TBL1Y: variants seen among roughly 807,000 people sequenced by gnomAD.
TBL1Y encodes F-box-like/WD repeat-containing protein TBL1Y.
A neutral mutation model predicts 12.0 loss-of-function variants in TBL1Y; 15 were observed. The ratio of observed to expected loss-of-function variants is 1.25; its 90% CI spans 0.83 to 1.92. TBL1Y has a LOEUF of 1.92. TBL1Y is among the 40% of genes most tolerant of loss of function. The pLI is 0.00. For missense variants in TBL1Y, 148 were observed against 116.7 expected, an observed-to-expected ratio of 1.27 and a Z score of -1.24; for synonymous variants, 53 against 42.6, an observed-to-expected ratio of 1.24 and a Z score of -0.95.
intron 2 of TBL1Y, among the ~76,000 whole-genome samples, chrY:6,935,706 A>G: frequency 3.0e-5 from 1 of 32,926 alleles, no homozygotes; most frequent in Non-Finnish European, 7.4e-5. Context: ...TCGATTGCTC[A>G]AGACCATCCT....
intron 3 of TBL1Y, among the ~76,000 whole-genome samples, chrY:6,993,288 G>A: frequency 4.3e-5 from 1 of 23,158 alleles, no homozygotes; most frequent in African/African-American, 1.7e-4. Flanking sequence ...CTGCATTTCA[G>A]CTTAGGTTGC....
chrY:7,025,209 C>G (rs896416477), intron 6 of TBL1Y, 67 bp downstream of exon 6: 32 of 318,188 alleles, frequency 1.0e-4, no homozygotes, highest in Middle Eastern at 1.3e-3. Context: ...AATGATCAAC[C>G]CTTGATTCAA....
At chrY:6,968,316 G>C (rs897548414) in intron 2 of TBL1Y, among the ~76,000 whole-genome samples, 1 of 33,258 alleles carries the variant, frequency 3.0e-5, no homozygotes, top group African/African-American at 1.2e-4. Context: ...TGGGGACAGA[G>C]AGCTTGGGGT....
chrY:6,924,851 A>C, intron 2 of TBL1Y, among the ~76,000 whole-genome samples: 2 of 33,974 alleles, frequency 5.9e-5, no homozygotes, highest in Non-Finnish European at 1.5e-4. Flanking sequence ...CTTATCATGC[A>C]TTCTAGTTCT....
intron 6 of TBL1Y, among the ~76,000 whole-genome samples, chrY:7,027,384 A>T (rs749616934): frequency 3.0e-5 from 1 of 33,687 alleles, no homozygotes; most frequent in Admixed American, 2.7e-4. Flanking sequence ...TTTCCCTTCT[A>T]CCTTAAAGAA....
chrY:7,047,454 T>C, intron 7 of TBL1Y, among the ~76,000 whole-genome samples: 1 of 33,554 alleles, frequency 3.0e-5, no homozygotes, highest in Non-Finnish European at 7.3e-5. Flanking sequence ...ATCTTTTCCA[T>C]GCTGAGTCAT....
At chrY:7,078,852 T>TAAATAAATAAATAA (rs2013076398) in intron 13 of TBL1Y, among the ~76,000 whole-genome samples, 1 of 33,504 alleles carries the variant, frequency 3.0e-5, no homozygotes, top group Non-Finnish European at 7.4e-5. Flanking sequence ...TTTTCTTGCT[T>TAAATAAATAAATAA]ATCAGTTCTC....
intron 2 of TBL1Y, among the ~76,000 whole-genome samples, chrY:6,912,618 G>A (rs762305589): frequency 3.0e-5 from 1 of 32,869 alleles, no homozygotes; most frequent in South Asian, 6.9e-4. Context: ...ATCACCTGCA[G>A]TCAGGAGTTC....
chrY:7,002,958 C>T, intron 4 of TBL1Y, among the ~76,000 whole-genome samples: 1 of 33,685 alleles, frequency 3.0e-5, no homozygotes, highest in Non-Finnish European at 7.3e-5. Flanking sequence ...TTTAACTTCT[C>T]GGGAGCTACT....
intron 2 of TBL1Y, among the ~76,000 whole-genome samples, chrY:6,937,345 T>C (rs2011910005): frequency 3.0e-5 from 1 of 33,376 alleles, no homozygotes; most frequent in East Asian, 7.9e-4. Context: ...CCGAGTCAGG[T>C]TTATCACTTG....
At chrY:7,062,437 C>T in intron 7 of TBL1Y, among the ~76,000 whole-genome samples, 1 of 33,559 alleles carries the variant, frequency 3.0e-5, no homozygotes, top group African/African-American at 1.2e-4. Context: ...AATAAAAGAG[C>T]ACTATTTTAT....
intron 17 of TBL1Y, 27 bp downstream of exon 17, chrY:7,087,459 T>C (rs750655503): frequency 5.2e-6 from 2 of 384,363 alleles, no homozygotes; most frequent in Non-Finnish European, 7.3e-6. Flanking sequence ...TACGAATCCT[T>C]TTAGTAAGGG....
intron 16 of TBL1Y, among the ~76,000 whole-genome samples, chrY:7,086,633 C>T: frequency 3.1e-5 from 1 of 32,148 alleles, no homozygotes; most frequent in Non-Finnish European, 7.5e-5. Context: ...TTTTGGGGGC[C>T]GAGGTGGGCA....
At chrY:7,020,706 TA>T (rs2012578629) in intron 4 of TBL1Y, among the ~76,000 whole-genome samples, 1 of 34,014 alleles carries the variant, frequency 2.9e-5, no homozygotes, top group East Asian at 7.6e-4. Flanking sequence ...TTATAGTGAC[TA>T]AAAAATAAAA....
At chrY:7,018,291 T>G in intron 4 of TBL1Y, among the ~76,000 whole-genome samples, 1 of 33,471 alleles carries the variant, frequency 3.0e-5, no homozygotes, top group Non-Finnish European at 7.4e-5. Flanking sequence ...TGATTATATA[T>G]AGTACATCCT....
intron 7 of TBL1Y, among the ~76,000 whole-genome samples, chrY:7,056,297 G>C: frequency 3.0e-5 from 1 of 33,222 alleles, no homozygotes; most frequent in South Asian, 7.1e-4. Flanking sequence ...TCCAATCCAG[G>C]CCTGAATGGT....
chrY:7,009,320 C>G (rs2012503820), intron 4 of TBL1Y, among the ~76,000 whole-genome samples: 1 of 33,912 alleles, frequency 2.9e-5, no homozygotes, highest in Admixed American at 2.7e-4. Flanking sequence ...AGAATAGTTG[C>G]TAGTGGTTTT....
chrY:7,083,959 G>T, intron 14 of TBL1Y, among the ~76,000 whole-genome samples: 2 of 31,583 alleles, frequency 6.3e-5, no homozygotes, highest in African/African-American at 2.5e-4. Flanking sequence ...CATCACGCTT[G>T]TTTCTCCATT....
chrY:7,088,616 A>C, intron 17 of TBL1Y, among the ~76,000 whole-genome samples: 1 of 32,676 alleles, frequency 3.1e-5, no homozygotes, highest in Non-Finnish European at 7.5e-5. Context: ...CCTTGCTAGA[A>C]ATAGTAATGG....
Sources: allele counts gnomAD v4.1 joint callset (sites outside exome capture counted in the v4.1 genomes callset), GRCh38; gene constraint gnomAD v4.1.1; transcripts MANE v1.5; gene names NCBI Gene and HGNC (gene_info 2026-07-23, HGNC 2026-07-21).